The following SHISA9 variants were observed in gnomAD, a reference collection of about 807,000 sequenced individuals.
The protein encoded by SHISA9 is shisa family member 9.
A neutral mutation model predicts 38.0 loss-of-function variants in SHISA9; 13 were observed. The observed-to-expected ratio is 0.34, with a 90% CI of 0.22 to 0.54. The LOEUF (loss-of-function observed/expected upper bound fraction) is 0.54, where lower values mean the gene tolerates loss of function less well. Among genes scored for constraint, SHISA9 ranks in the 20% least tolerant of loss-of-function variants. The pLI is 0.91. For missense variants in SHISA9, 538 were observed against 575.8 expected (o/e 0.93, Z 0.67); for synonymous variants, 275 against 242.0 (o/e 1.14, Z -1.27).
intron 2 of SHISA9, among the ~76,000 whole-genome samples, chr16:13,076,586 A>C (rs2073585559): frequency 6.6e-6 from 1 of 152,168 alleles, no homozygotes; most frequent in Non-Finnish European, 1.5e-5. Context: ...TATAGCTAGG[A>C]AGTTGAAATC....
At chr16:13,072,947 C>A (rs192199441) in intron 2 of SHISA9, among the ~76,000 whole-genome samples, 1 of 152,142 alleles carries the variant, frequency 6.6e-6, no homozygotes, top group Non-Finnish European at 1.5e-5. Context: ...AGGTGTGAGC[C>A]GCCATCCCTG....
At chr16:13,025,963 G>A (rs925029633) in intron 2 of SHISA9, among the ~76,000 whole-genome samples, 1 of 151,994 alleles carries the variant, frequency 6.6e-6, no homozygotes, top group African/African-American at 2.4e-5. Context: ...GCACCACCAT[G>A]CCCAGCTAAT....
chr16:12,988,905 C>G (rs562080600), intron 2 of SHISA9, among the ~76,000 whole-genome samples: 1 of 152,260 alleles, frequency 6.6e-6, no homozygotes, highest in South Asian at 2.1e-4. Context: ...TAAGTATTCA[C>G]CTGAGTACTT....
At chr16:12,931,154 G>A (rs1375378045) in intron 2 of SHISA9, among the ~76,000 whole-genome samples, 1 of 152,220 alleles carries the variant, frequency 6.6e-6, no homozygotes, top group African/African-American at 2.4e-5. Flanking sequence ...AAGTACGGGA[G>A]GAAAGTGGGA....
chr16:13,226,648 G>A (rs1242488975), intron 4 of SHISA9, among the ~76,000 whole-genome samples: 5 of 152,166 alleles, frequency 3.3e-5, no homozygotes, highest in African/African-American at 1.2e-4. Context: ...ATGATTCTGG[G>A]TCAACGGAGA....
the SHISA9 span, among the ~76,000 whole-genome samples, chr16:13,469,320 G>GAAAGAAAGAAAGAAAGAAAGAAAGAA: frequency 3.1e-4 from 19 of 61,600 alleles, no homozygotes; most frequent in African/African-American, 6.2e-4. Context: ...GAGAGAGAGA[G>GAAAGAAAGAAAGAAAGAAAGAAAGAA]AGAAAGAAAG....
At chr16:13,390,844 G>A in the SHISA9 span, among the ~76,000 whole-genome samples, 1 of 152,192 alleles carries the variant, frequency 6.6e-6, no homozygotes, top group Non-Finnish European at 1.5e-5. Context: ...GACTTCTCTT[G>A]GCTGTGTGTG....
chr16:13,223,640 T>A (rs1224406486), intron 4 of SHISA9, among the ~76,000 whole-genome samples: 1 of 152,168 alleles, frequency 6.6e-6, no homozygotes, highest in African/African-American at 2.4e-5. Flanking sequence ...TCTGTTCTCA[T>A]GCTGCGAATA....
intron 2 of SHISA9, among the ~76,000 whole-genome samples, chr16:12,971,141 C>G (rs903998078): frequency 6.6e-6 from 1 of 152,186 alleles, no homozygotes; most frequent in Non-Finnish European, 1.5e-5. Context: ...TGCACAGGTA[C>G]TAATTTTCCA....
the SHISA9 span, among the ~76,000 whole-genome samples, chr16:13,313,273 C>T: frequency 9.9e-6 from 1 of 101,000 alleles, no homozygotes; most frequent in Non-Finnish European, 2.2e-5. Flanking sequence ...AAAAAAAAAA[C>T]CCAGTTTTAT....
At chr16:13,397,984 C>A in the SHISA9 span, among the ~76,000 whole-genome samples, 1 of 152,170 alleles carries the variant, frequency 6.6e-6, no homozygotes, top group East Asian at 1.9e-4. Flanking sequence ...TGGAGTCAGG[C>A]CTCTTAGCAG....
chr16:13,190,420 A>C (rs1341377000), intron 2 of SHISA9, among the ~76,000 whole-genome samples: 2 of 152,172 alleles, frequency 1.3e-5, no homozygotes, highest in African/African-American at 4.8e-5. Flanking sequence ...TGATAACAAT[A>C]CATTGTGGTT....
At chr16:13,037,069 C>G (rs2073077308) in intron 2 of SHISA9, among the ~76,000 whole-genome samples, 1 of 145,656 alleles carries the variant, frequency 6.9e-6, no homozygotes, top group South Asian at 2.2e-4. Context: ...CACACACACA[C>G]ACACACACAC....
intron 2 of SHISA9, among the ~76,000 whole-genome samples, chr16:12,930,043 A>G (rs1257331565): frequency 5.3e-5 from 8 of 152,092 alleles, no homozygotes; most frequent in Admixed American, 4.6e-4. Context: ...TTTTATTTTC[A>G]TCATAGTTCA....
intron 2 of SHISA9, among the ~76,000 whole-genome samples, chr16:13,078,743 C>CT (rs2073613291): frequency 6.6e-6 from 1 of 152,152 alleles, no homozygotes; most frequent in African/African-American, 2.4e-5. Flanking sequence ...TGGTTGAACC[C>CT]TTGGATAAGG....
At chr16:13,057,825 C>T (rs939069128) in intron 2 of SHISA9, among the ~76,000 whole-genome samples, 1 of 152,116 alleles carries the variant, frequency 6.6e-6, no homozygotes, top group Non-Finnish European at 1.5e-5. Flanking sequence ...CCACAGGCCC[C>T]ATTGTGTGAT....
chr16:13,544,240 C>A, the SHISA9 span, among the ~76,000 whole-genome samples: 1 of 148,372 alleles, frequency 6.7e-6, no homozygotes. Flanking sequence ...ATCTATATAT[C>A]TAGATATATT....
intron 2 of SHISA9, among the ~76,000 whole-genome samples, chr16:13,102,175 G>A (rs1210383843): frequency 6.6e-6 from 1 of 152,152 alleles, no homozygotes; most frequent in Non-Finnish European, 1.5e-5. Context: ...TCCTGTCTAC[G>A]AGAACCGACA....
At chr16:12,977,867 G>A (rs146121984) in intron 2 of SHISA9, among the ~76,000 whole-genome samples, 1 of 152,066 alleles carries the variant, frequency 6.6e-6, no homozygotes, top group Non-Finnish European at 1.5e-5. Context: ...GCTAATGCAT[G>A]CTGGGTTTAA....
Sources: gnomAD v4.1 joint callset for allele counts (sites outside exome capture counted in the v4.1 genomes callset) on GRCh38, gnomAD v4.1.1 for gene constraint, MANE v1.5 for transcripts, NCBI Gene and HGNC (gene_info 2026-07-23, HGNC 2026-07-21) for gene names.